Variants in GRM5 observed in about 807,000 individuals in gnomAD.
GRM5 encodes the protein glutamate metabotropic receptor 5.
In GRM5, 19 loss-of-function variants were observed where a neutral mutation model predicts 83.1. The ratio of observed to expected loss-of-function variants is 0.23; its 90% CI spans 0.16 to 0.34. The LOEUF is 0.34. Ranked by LOEUF, GRM5 falls within the 10% of genes least tolerant of loss-of-function variation. The probability of loss-of-function intolerance (pLI) is 1.00; values close to 1 mark genes in which losing one functional copy is unlikely to be tolerated. For synonymous variants in GRM5, 675 were observed against 633.6 expected (o/e 1.07, Z -0.98); for missense variants, 1,160 against 1,588.3 (o/e 0.73, Z 4.58).
At chr11:88,820,687 T>C (rs956815187) in intron 3 of GRM5, among the ~76,000 whole-genome samples, 3 of 152,234 alleles carry the variant, frequency 2.0e-5, no homozygotes, top group African/African-American at 7.2e-5. Context: ...GGAAATAATG[T>C]ATACAAAATA....
rs144721111 is a variant in GRM5, at chr11:88,806,541, T to C, written c.911+43365A>G. ...AAGTTCTAGAGGCAAGAAAGTAATA[T>C]AGAATATTTTAGGCAGTTGATCTCA... is the stretch of plus-strand genomic sequence containing the variant. On this transcript the variant is annotated intron_variant, in intron 3 of 9. Transcript: ENST00000305447. 3.9e-5 allele frequency among the ~76,000 whole-genome samples: 6 copies of C among 152,308 alleles called. No homozygotes were observed. In the East Asian group the frequency reaches 1.2e-3, roughly 29 times the overall value.
Position 88,567,224 on chromosome 11 carries a change from G to A in GRM5, c.2459C>T (p.Pro820Leu), listed in dbSNP as rs747778918. 6.2e-7 allele frequency: 1 copy of A among 1,614,012 alleles called. No homozygotes were observed. The highest frequency in any genetic ancestry group is 8.5e-7 in the Non-Finnish European group (1 of 1,179,974). The change falls in exon 8 of 10, where the codon CCG becomes CTG. Residue 820 changes from proline (P) to leucine (L), a missense_variant. This residue lies in a region of GRM5 where 66 missense variants were observed against 138.6 expected (regional missense o/e 0.48). Coordinates refer to ENST00000305447, the MANE Select transcript of GRM5 (RefSeq NM_001143831.3). This position sits in a 1 kb window ranked among gnomAD's most constrained non-coding sequence, Gnocchi z 7.3. ...ATVALGCMFV[P>L]KVYIILAKPE... is the part of the protein sequence containing the mutation. ...TTTGGCCAGGATGATGTACACCTTC[G>A]GCACAAACATGCAGCCTAGGGCCAC...
chr11:88,911,094 C>T (rs575443362), intron 2 of GRM5, among the ~76,000 whole-genome samples: 211 of 152,126 alleles, frequency 1.4e-3, no homozygotes, highest in Non-Finnish European at 2.3e-3. Flanking sequence ...CTAGTCACTT[C>T]TTGATTTTTC....
chr11:88,543,465 C>T (rs1416767689), intron 8 of GRM5, among the ~76,000 whole-genome samples: 1 of 151,980 alleles, frequency 6.6e-6, no homozygotes, highest in Non-Finnish European at 1.5e-5. Flanking sequence ...GTATGTATCC[C>T]AGTGCCCACA....
chr11:88,968,842 C>A (rs1939075486), intron 2 of GRM5, among the ~76,000 whole-genome samples: 1 of 152,020 alleles, frequency 6.6e-6, no homozygotes. Context: ...ATGTAAGAGT[C>A]AGATAATCAA....
rs1249053736 is a variant in GRM5, at chr11:88,525,375, T to C, written c.2660A>G (p.Lys887Arg). ...GGGGGTGAAACACTCTATTTCCGAC[T>C]TGTGCTGGGCCAGTCTCCTGTCTTT... ...RYKDRRLAQH[K>R]SEIECFTPKG... The change falls in exon 9 of 10, where the codon AAG becomes AGG. Residue 887 changes from lysine to arginine, a missense_variant. Coordinates refer to ENST00000305447, the MANE Select transcript of GRM5 (RefSeq NM_001143831.3). 6.8e-6 allele frequency: 11 copies of C among 1,611,670 alleles called. No individual in the cohort carries two copies. The highest frequency in any genetic ancestry group is 9.3e-6 in the Non-Finnish European group (11 of 1,177,972).
At chr11:89,057,782 T>G (rs1941908768) in intron 1 of GRM5, among the ~76,000 whole-genome samples, 1 of 152,178 alleles carries the variant, frequency 6.6e-6, no homozygotes, top group African/African-American at 2.4e-5. Context: ...ATTAAATGCT[T>G]GAGACCGTGG....
chr11:88,658,267 A>C (rs951740015), intron 3 of GRM5, among the ~76,000 whole-genome samples: 2 of 152,158 alleles, frequency 1.3e-5, no homozygotes, highest in Admixed American at 1.3e-4. Flanking sequence ...CTGTTGTAGA[A>C]GGAAAAACAG....
chr11:88,946,048 T>C (rs1254837539), intron 2 of GRM5, among the ~76,000 whole-genome samples: 6 of 151,716 alleles, frequency 4.0e-5, no homozygotes, highest in Non-Finnish European at 8.9e-5. Flanking sequence ...CAAGCATAAA[T>C]GAATAACCCC....
In GRM5 at chr11:89,058,320, T is replaced by C. The variant is rs546461736; in HGVS notation, c.-201+7456A>G. Among the ~76,000 whole-genome samples the C allele has an allele frequency of 7.2e-5, 11 of 152,326 alleles. No individual in the cohort carries two copies. In the South Asian group the frequency reaches 2.3e-3, roughly 32 times the overall value. On this transcript the variant is annotated intron_variant, in intron 1 of 9. Transcript: ENST00000305447. ...TCTTTTGTTGTGGGCGGATGTTGTC[T>C]GTGCACTGTTGGTTGTTTAGCAGCA...
At position 88,590,665 on chromosome 11, in the gene GRM5, A is replaced by G. The variant is rs1204326250; in HGVS notation, c.1626T>C (p.Tyr542=). ...WTCTPCKENE[Y]VFDEYTCKAC... ...CCTTGCATGTGTACTCATCAAAGAC[A>G]TACTCATTCTCCTTACAAGGTGTAC... is the stretch of plus-strand genomic sequence containing the variant. The change falls in exon 7 of 10, where the codon TAT becomes TAC. Residue 542 remains tyrosine (Y), a synonymous_variant. Transcript: ENST00000305447. 6.2e-7 allele frequency: 1 copy of G among 1,608,438 alleles called. No individual in the cohort carries two copies. The highest frequency in any genetic ancestry group is 8.5e-7 in the Non-Finnish European group (1 of 1,174,852).
At chr11:88,575,191 A>G (rs1423777847) in intron 7 of GRM5, among the ~76,000 whole-genome samples, 1 of 152,190 alleles carries the variant, frequency 6.6e-6, no homozygotes, top group Non-Finnish European at 1.5e-5. Flanking sequence ...GGAAGCTGCC[A>G]TATTCCTCTT....
chr11:88,644,793 A>G (rs532358934), intron 4 of GRM5, among the ~76,000 whole-genome samples: 28 of 152,220 alleles, frequency 1.8e-4, no homozygotes, highest in African/African-American at 6.7e-4. Flanking sequence ...AGAAGAGAGG[A>G]GGGAAAGATT....
chr11:88,755,603 A>G (rs1443794686), intron 3 of GRM5, among the ~76,000 whole-genome samples: 2 of 152,154 alleles, frequency 1.3e-5, no homozygotes, highest in Non-Finnish European at 2.9e-5. Flanking sequence ...AGACAAACAT[A>G]ATTAAAATAA....
intron 4 of GRM5, among the ~76,000 whole-genome samples, chr11:88,616,327 G>A (rs1189412186): frequency 1.3e-5 from 2 of 150,796 alleles, no homozygotes; most frequent in East Asian, 2.0e-4. Flanking sequence ...ACATAACAAG[G>A]GGAAGAGAAA....
intron 3 of GRM5, among the ~76,000 whole-genome samples, chr11:88,697,030 A>G (rs1940920917): frequency 6.6e-6 from 1 of 152,198 alleles, no homozygotes; most frequent in Non-Finnish European, 1.5e-5. Context: ...CAATATTTCC[A>G]GATTGGCACA....
intron 3 of GRM5, among the ~76,000 whole-genome samples, chr11:88,844,391 T>C (rs370679705): frequency 0.028 from 4,029 of 142,316 alleles, 177 homozygotes; most frequent in African/African-American, 0.1. Context: ...CACACACACA[T>C]ATATATATAT....
At chr11:88,912,232 T>C (rs1469840934) in intron 2 of GRM5, 2 of 186,512 alleles carry the variant, frequency 1.1e-5, no homozygotes, top group African/African-American at 4.8e-5. Context: ...AAAATGTACA[T>C]ACTTTGGTAT....
intron 3 of GRM5, among the ~76,000 whole-genome samples, chr11:88,836,045 GA>G (rs1267864299): frequency 2.0e-5 from 3 of 150,424 alleles, no homozygotes; most frequent in East Asian, 1.9e-4. Flanking sequence ...AAGAAGGATT[GA>G]AAAAAAAAGT....
Sources: gnomAD v4.1 joint callset for allele counts (sites outside exome capture counted in the v4.1 genomes callset) on GRCh38, gnomAD v4.1.1 for gene constraint, gnomAD v4.1.1 regional missense constraint, Gnocchi (gnomAD v3.1) non-coding constraint, MANE v1.5 for transcripts, NCBI Gene and HGNC (gene_info 2026-07-23, HGNC 2026-07-21) for gene names.